FRMD5: variants seen among roughly 807,000 people sequenced by gnomAD.
FRMD5 encodes FERM domain containing 5, also known as FERM domain-containing protein 5.
A neutral mutation model predicts 69.0 loss-of-function variants in FRMD5; 20 were observed. That is an observed-to-expected ratio of 0.29 (90% CI 0.20 to 0.42). The LOEUF is 0.42. FRMD5 is among the 10% of genes least tolerant of loss of function. FRMD5 has a pLI of 1.00. For missense variants in FRMD5, 595 were observed against 708.6 expected (o/e 0.84, Z 1.82); for synonymous variants, 271 against 260.1 (o/e 1.04, Z -0.40).
chr15:43,923,841 C>A (rs567901879), intron 2 of FRMD5, among the ~76,000 whole-genome samples: 2 of 152,196 alleles, frequency 1.3e-5, no homozygotes, highest in Admixed American at 6.5e-5. Flanking sequence ...TTTGGTGAGG[C>A]CTTTCCTAAC....
At chr15:44,163,243 ACT>A (rs1473111473) in intron 1 of FRMD5, among the ~76,000 whole-genome samples, 4 of 152,022 alleles carry the variant, frequency 2.6e-5, no homozygotes, top group Admixed American at 2.0e-4. Context: ...ATTATGTTTG[ACT>A]CTCTCAGGAT....
intron 1 of FRMD5, among the ~76,000 whole-genome samples, chr15:44,014,451 CCTCGGCT>C (rs1255499703): frequency 2.6e-5 from 4 of 152,132 alleles, no homozygotes; most frequent in Non-Finnish European, 4.4e-5. Context: ...AGAATATCTA[CCTCGGCT>C]GGGTGTGGTA....
At chr15:43,936,338 T>C (rs1248223030) in intron 1 of FRMD5, among the ~76,000 whole-genome samples, 1 of 152,082 alleles carries the variant, frequency 6.6e-6, no homozygotes, top group Non-Finnish European at 1.5e-5. Context: ...ATCACAGGCA[T>C]GCGCCACCAC....
At chr15:43,977,522 C>T (rs959003098) in intron 1 of FRMD5, among the ~76,000 whole-genome samples, 2 of 151,892 alleles carry the variant, frequency 1.3e-5, no homozygotes, top group African/African-American at 4.8e-5. Context: ...TGATGTGTTC[C>T]GTTATGGTGG....
chr15:44,183,246 G>A (rs2078040888), intron 1 of FRMD5, among the ~76,000 whole-genome samples: 1 of 147,246 alleles, frequency 6.8e-6, no homozygotes, highest in African/African-American at 2.7e-5. Flanking sequence ...AGACAATGCT[G>A]GAAAGGGGGG....
At chr15:44,082,500 C>T (rs1010927633) in intron 1 of FRMD5, among the ~76,000 whole-genome samples, 13 of 151,932 alleles carry the variant, frequency 8.6e-5, no homozygotes, top group Admixed American at 6.6e-5. Context: ...GTACAAATTG[C>T]ATTCAGTATT....
intron 1 of FRMD5, among the ~76,000 whole-genome samples, chr15:44,148,479 G>C (rs2077391894): frequency 1.3e-5 from 2 of 152,130 alleles, no homozygotes; most frequent in Admixed American, 1.3e-4. Flanking sequence ...CACCGTGTTA[G>C]CCAGGATGGT....
In FRMD5 at chr15:43,900,619, G is replaced by GT. The variant is rs1200733106; in HGVS notation, c.639+1555dup. Among the ~76,000 whole-genome samples the GT allele has an allele frequency of 3.5e-3, 499 of 141,984 alleles. 2 individuals are homozygous for GT. The highest frequency in any genetic ancestry group is 0.015 in the Middle Eastern group (4 of 268). 93.1% of individuals were successfully genotyped at this position (141,984 alleles called of 152,430 possible). On this transcript the variant is annotated intron_variant, in intron 7 of 13. Transcript: ENST00000417257. ...ATGTCACTGTGCTCATTCATTCCTG[G>GT]TTTTTTTTTTTTTTTTGAGACAGAG...
At chr15:44,158,549 C>G (rs956028834) in intron 1 of FRMD5, among the ~76,000 whole-genome samples, 1 of 152,086 alleles carries the variant, frequency 6.6e-6, no homozygotes, top group Non-Finnish European at 1.5e-5. Context: ...TATTTGTCAC[C>G]TTATCCTAAT....
intron 1 of FRMD5, among the ~76,000 whole-genome samples, chr15:44,104,815 G>A (rs1267404128): frequency 2.0e-5 from 3 of 152,096 alleles, no homozygotes; most frequent in African/African-American, 7.2e-5. Context: ...AATGACACAT[G>A]ACTGTAACTG....
chr15:43,882,473 C>G (rs562605059), intron 13 of FRMD5, among the ~76,000 whole-genome samples: 53 of 152,092 alleles, frequency 3.5e-4, no homozygotes, highest in Middle Eastern at 3.4e-3. Flanking sequence ...ATCCTCTTGC[C>G]TCAACCCCCC....
chr15:44,122,185 C>T (rs1352830735), intron 1 of FRMD5, among the ~76,000 whole-genome samples: 2 of 151,896 alleles, frequency 1.3e-5, no homozygotes, highest in Non-Finnish European at 2.9e-5. Context: ...AAGCTATTTA[C>T]TTAAGGAAAG....
chr15:43,942,498 ATTTTGTGG>A, intron 1 of FRMD5, among the ~76,000 whole-genome samples: 1 of 152,330 alleles, frequency 6.6e-6, no homozygotes. Context: ...TAGAAAACAG[ATTTTGTGG>A]AGGGTTTTAT....
At chr15:43,944,331 C>CCA (rs1393966196) in intron 1 of FRMD5, among the ~76,000 whole-genome samples, 2 of 152,196 alleles carry the variant, frequency 1.3e-5, no homozygotes, top group African/African-American at 4.8e-5. Context: ...CCATGATAAC[C>CCA]CATTAATCCA....
intron 13 of FRMD5, chr15:43,879,634 G>C: frequency 2.5e-6 from 1 of 399,046 alleles, no homozygotes; most frequent in Non-Finnish European, 4.4e-6. Flanking sequence ...AGCTGGACCC[G>C]GACTCTGGTG....
chr15:43,966,620 T>C (rs1274719452), intron 1 of FRMD5, among the ~76,000 whole-genome samples: 1 of 151,808 alleles, frequency 6.6e-6, no homozygotes, highest in African/African-American at 2.4e-5. Context: ...ATTGATAGAA[T>C]CTAGACAGGG....
At chr15:43,907,136 C>T (rs2089194474) in intron 5 of FRMD5, among the ~76,000 whole-genome samples, 1 of 152,176 alleles carries the variant, frequency 6.6e-6, no homozygotes, top group Admixed American at 6.5e-5. Flanking sequence ...GAGGGGCCAG[C>T]TACTCTGTGG....
At chr15:43,875,824 TTTTC>T in intron 13 of FRMD5, 3 of 401,934 alleles carry the variant, frequency 7.5e-6, no homozygotes, top group African/African-American at 4.3e-5. Flanking sequence ...TTTTTTTTTT[TTTTC>T]TTTCAGTCTT....
At chr15:44,019,917 T>C (rs924962295) in intron 1 of FRMD5, among the ~76,000 whole-genome samples, 1 of 152,040 alleles carries the variant, frequency 6.6e-6, no homozygotes, top group Non-Finnish European at 1.5e-5. Context: ...ATCTTTTGAG[T>C]GCAAGAAATC....
Sources: allele counts gnomAD v4.1 joint callset (sites outside exome capture counted in the v4.1 genomes callset), GRCh38; gene constraint gnomAD v4.1.1; transcripts MANE v1.5; gene names NCBI Gene and HGNC (gene_info 2026-07-23, HGNC 2026-07-21).